Variants in THRB observed in about 807,000 individuals in gnomAD.
THRB encodes the protein thyroid hormone receptor beta.
In THRB, 12 loss-of-function variants were observed where a neutral mutation model predicts 47.8. The ratio of observed to expected loss-of-function variants is 0.25; its 90% CI spans 0.16 to 0.41. The LOEUF is 0.41. Ranked by LOEUF, THRB falls within the 10% of genes least tolerant of loss-of-function variation. The pLI, the probability that THRB is intolerant of heterozygous loss-of-function variation, is 1.00. For missense variants in THRB, 348 were observed against 589.2 expected (o/e 0.59, Z 4.24); for synonymous variants, 218 against 212.2 (o/e 1.03, Z -0.24).
rs531860354 is a variant in THRB, at chr3:24,390,865, C to T, written c.-260-53494G>A. Among the ~76,000 whole-genome samples, 46 of 150,780 alleles carry T rather than the reference C, an allele frequency of 3.1e-4. No homozygotes were observed. The South Asian group carries it at 9.4e-3, about 31-fold the overall frequency. ...AAAAACTCATAGGTAGAATATTGGCCCCAATTCTCCATTTTTAGTATGAAT... is the reference window on the plus strand; with the variant it reads ...AAAAACTCATAGGTAGAATATTGGCTCCAATTCTCCATTTTTAGTATGAAT... On this transcript the variant is annotated intron_variant, in intron 1 of 10. Transcript: ENST00000646209.
At chr3:24,373,777 C>G (rs1292913177) in intron 1 of THRB, among the ~76,000 whole-genome samples, 1 of 152,090 alleles carries the variant, frequency 6.6e-6, no homozygotes, top group Non-Finnish European at 1.5e-5. Flanking sequence ...GATTGAAAAC[C>G]TAACTTAGGA....
intron 1 of THRB, among the ~76,000 whole-genome samples, chr3:24,463,124 G>A (rs1360175102): frequency 6.6e-6 from 1 of 152,206 alleles, no homozygotes; most frequent in East Asian, 1.9e-4. Flanking sequence ...GGCTAGTTAA[G>A]GGAGAAGGAA....
intron 5 of THRB, among the ~76,000 whole-genome samples, chr3:24,170,523 G>A (rs1217737945): frequency 6.6e-6 from 1 of 152,146 alleles, no homozygotes; most frequent in Non-Finnish European, 1.5e-5. Flanking sequence ...TCTACCAAAA[G>A]GTGGTCCTTC....
At chr3:24,242,842 C>T (rs2049687433) in intron 3 of THRB, among the ~76,000 whole-genome samples, 4 of 152,086 alleles carry the variant, frequency 2.6e-5, no homozygotes, top group Admixed American at 2.6e-4. Flanking sequence ...AGGTGGGCTC[C>T]AGCCAGCCCC....
intron 4 of THRB, among the ~76,000 whole-genome samples, chr3:24,215,563 A>G (rs1360705136): frequency 6.6e-6 from 1 of 152,332 alleles, no homozygotes; most frequent in Non-Finnish European, 1.5e-5. Context: ...AAACAAAAAG[A>G]TGACTTCACT....
intron 1 of THRB, among the ~76,000 whole-genome samples, chr3:24,440,138 T>C (rs1239224811): frequency 6.6e-6 from 1 of 152,232 alleles, no homozygotes; most frequent in Non-Finnish European, 1.5e-5. Context: ...CTTTAGTTTC[T>C]AGATTGATTT....
intron 1 of THRB, among the ~76,000 whole-genome samples, chr3:24,346,627 T>A (rs1407704697): frequency 6.6e-6 from 1 of 152,036 alleles, no homozygotes; most frequent in Non-Finnish European, 1.5e-5. Flanking sequence ...AAATTACATG[T>A]AAATTATGTT....
intron 1 of THRB, among the ~76,000 whole-genome samples, chr3:24,485,202 A>G (rs1227459428): frequency 2.6e-5 from 4 of 152,244 alleles, no homozygotes; most frequent in Non-Finnish European, 4.4e-5. Flanking sequence ...CCTTGAAGTA[A>G]TATTCAACTA....
intron 5 of THRB, among the ~76,000 whole-genome samples, chr3:24,164,783 C>T (rs558298283): frequency 1.3e-5 from 2 of 152,276 alleles, no homozygotes; most frequent in African/African-American, 4.8e-5. Context: ...TATATACACA[C>T]ACATGCAAAA....
At chr3:24,475,021 C>G (rs1216673536) in intron 1 of THRB, among the ~76,000 whole-genome samples, 1 of 152,218 alleles carries the variant, frequency 6.6e-6, no homozygotes, top group Admixed American at 6.5e-5. Context: ...TAATACGTGG[C>G]ATTCTATACC....
chr3:24,240,973 T>A (rs2049428367), intron 3 of THRB, among the ~76,000 whole-genome samples: 1 of 152,124 alleles, frequency 6.6e-6, no homozygotes, highest in Admixed American at 6.6e-5. Context: ...CTCTAGAATA[T>A]TTCCAGTGAA....
chr3:24,133,480 G>A lies in THRB; in HGVS notation c.739-18C>T, dbSNP rs745649362. The A allele has an allele frequency of 1.1e-5, 17 of 1,613,084 alleles. No individual in the cohort carries two copies. The highest frequency in any genetic ancestry group is 1.4e-5 in the Non-Finnish European group (16 of 1,179,242). On this transcript the variant is annotated intron_variant, in intron 8 of 10. Transcript: ENST00000646209. ...TCTTCTGGCTAAGGAGGAGAAAAAAGAAAGATTTAAATGAAGAAGTTGAAG... is the reference window on the plus strand; with the variant it reads ...TCTTCTGGCTAAGGAGGAGAAAAAAAAAAGATTTAAATGAAGAAGTTGAAG...
intron 1 of THRB, among the ~76,000 whole-genome samples, chr3:24,406,217 T>G (rs116507290): frequency 0.014 from 2,150 of 151,840 alleles, 37 homozygotes; most frequent in African/African-American, 0.048. Context: ...TTAATTTATA[T>G]TCCTTCTTAT....
chr3:24,228,632 C>CA lies in THRB; in HGVS notation c.22+305dup, dbSNP rs1213827281. Among the ~76,000 whole-genome samples the CA allele has an allele frequency of 1.6e-3, 93 of 59,078 alleles. 1 individual carries two copies. Among genetic ancestry groups the CA allele is most frequent in the African/African-American group, 4.4e-3 (63 of 14,476 alleles). The allele number at this position is 59,078 out of a possible 152,430, so 38.8% of individuals were successfully genotyped here. ...TGGGTGACAGAGCAAGACCATGTCT[C>CA]AAAGAAAAAAAAAAAAAAAAGGAAA... On this transcript the variant is annotated intron_variant, in intron 4 of 10. Transcript: ENST00000646209.
At chr3:24,239,862 G>A (rs566616395) in intron 3 of THRB, among the ~76,000 whole-genome samples, 3 of 152,250 alleles carry the variant, frequency 2.0e-5, no homozygotes, top group Non-Finnish European at 2.9e-5. Flanking sequence ...CTCAGTGTAT[G>A]TCACTCTTAG....
At chr3:24,346,503 C>G (rs1214445994) in intron 1 of THRB, among the ~76,000 whole-genome samples, 1 of 151,878 alleles carries the variant, frequency 6.6e-6, no homozygotes, top group African/African-American at 2.4e-5. Flanking sequence ...TGCAGAAAAA[C>G]AGTTCACAAA....
chr3:24,180,375 C>T (rs1017582685), intron 5 of THRB, among the ~76,000 whole-genome samples: 3 of 152,164 alleles, frequency 2.0e-5, no homozygotes, highest in Non-Finnish European at 2.9e-5. Flanking sequence ...ACTCAAATGC[C>T]AAGTGTCTTT....
intron 3 of THRB, among the ~76,000 whole-genome samples, chr3:24,280,793 G>A (rs1038095293): frequency 6.6e-6 from 1 of 151,896 alleles, no homozygotes; most frequent in African/African-American, 2.4e-5. Flanking sequence ...GAAGAATGCA[G>A]AAGCCTCAGG....
intron 4 of THRB, among the ~76,000 whole-genome samples, chr3:24,215,406 A>G (rs926512019): frequency 2.6e-5 from 4 of 152,232 alleles, no homozygotes; most frequent in Non-Finnish European, 5.9e-5. Context: ...CCAAGGACAC[A>G]TGACGCCAAA....
Sources: allele counts gnomAD v4.1 joint callset (sites outside exome capture counted in the v4.1 genomes callset), GRCh38; gene constraint gnomAD v4.1.1; transcripts MANE v1.5; gene names NCBI Gene and HGNC (gene_info 2026-07-23, HGNC 2026-07-21).